NKAIN2: variants seen among roughly 807,000 people sequenced by gnomAD.
NKAIN2 encodes the protein sodium/potassium transporting ATPase interacting 2.
Under a neutral mutation model 32.6 loss-of-function variants are expected in NKAIN2, and 14 were observed. The ratio of observed to expected loss-of-function variants is 0.43; its 90% CI spans 0.28 to 0.67. NKAIN2 has a LOEUF of 0.67. Ranked by LOEUF, NKAIN2 falls within the 30% of genes least tolerant of loss-of-function variation. The probability of loss-of-function intolerance (pLI) is 0.17; values close to 1 mark genes in which losing one functional copy is unlikely to be tolerated. For synonymous variants in NKAIN2, 80 were observed against 87.2 expected (o/e 0.92, Z 0.46); for missense variants, 198 against 258.3 (o/e 0.77, Z 1.60).
chr6:124,607,615 T>C (rs997158951), intron 3 of NKAIN2, among the ~76,000 whole-genome samples: 3 of 152,146 alleles, frequency 2.0e-5, no homozygotes, highest in African/African-American at 7.2e-5. Context: ...ATTCACCTTA[T>C]CATTGCCCCT....
At chr6:124,102,500 G>A (rs912348522) in intron 1 of NKAIN2, among the ~76,000 whole-genome samples, 9 of 152,152 alleles carry the variant, frequency 5.9e-5, no homozygotes, top group African/African-American at 9.7e-5. Context: ...TGAGTAAGTC[G>A]TTCGATGCCC....
At chr6:123,992,371 G>A (rs187839556) in intron 1 of NKAIN2, among the ~76,000 whole-genome samples, 4 of 152,264 alleles carry the variant, frequency 2.6e-5, no homozygotes, top group Non-Finnish European at 1.5e-5. Context: ...GAAAATGAAG[G>A]TGGTGGTGGT....
intron 5 of NKAIN2, among the ~76,000 whole-genome samples, chr6:124,807,441 C>A (rs550094214): frequency 6.6e-6 from 1 of 150,962 alleles, no homozygotes; most frequent in African/African-American, 2.4e-5. Flanking sequence ...TTGAAACCAA[C>A]GAGAACAAAG....
At chr6:123,807,155 A>G (rs1773251855) in intron 1 of NKAIN2, among the ~76,000 whole-genome samples, 1 of 152,036 alleles carries the variant, frequency 6.6e-6, no homozygotes, top group African/African-American at 2.4e-5. Flanking sequence ...ATAAACATAT[A>G]CTCTTCTCAA....
intron 1 of NKAIN2, among the ~76,000 whole-genome samples, chr6:123,931,834 A>T (rs778552064): frequency 4.6e-5 from 7 of 152,168 alleles, no homozygotes; most frequent in Non-Finnish European, 1.0e-4. Context: ...CACTCTGCCC[A>T]ACCAATGCAC....
At chr6:124,370,256 A>G (rs1310682954) in intron 3 of NKAIN2, among the ~76,000 whole-genome samples, 1 of 151,582 alleles carries the variant, frequency 6.6e-6, no homozygotes, top group East Asian at 2.0e-4. Context: ...ATTTGCATGA[A>G]GAAATTTCGA....
At chr6:124,771,756 T>G (rs1379917366) in intron 4 of NKAIN2, among the ~76,000 whole-genome samples, 2 of 152,200 alleles carry the variant, frequency 1.3e-5, no homozygotes, top group Non-Finnish European at 2.9e-5. Context: ...TAAATTTTTT[T>G]TAAAAAGTGT....
intron 4 of NKAIN2, among the ~76,000 whole-genome samples, chr6:124,767,609 TG>T (rs928404873): frequency 4.6e-5 from 7 of 152,202 alleles, no homozygotes; most frequent in African/African-American, 1.7e-4. Context: ...CTGGACATTT[TG>T]GGACCTCATA....
intron 3 of NKAIN2, among the ~76,000 whole-genome samples, chr6:124,359,895 T>C (rs1799189321): frequency 1.3e-5 from 2 of 152,208 alleles, no homozygotes; most frequent in South Asian, 4.1e-4. Context: ...TTCAGTATGA[T>C]ATTGGCTGTG....
In NKAIN2 at chr6:124,772,172, C is replaced by T. The variant is rs373338283; in HGVS notation, c.475-19167C>T. 2.2e-4 allele frequency among the ~76,000 whole-genome samples: 33 copies of T among 152,288 alleles called. No individual in the cohort carries two copies. In the East Asian group the frequency reaches 6.2e-3, roughly 28 times the overall value. ...AATGAATTGGCAACCTTTTATCATA[C>T]ACTCTGCCAGACTGAGGCAGTGGCA... is the stretch of plus-strand genomic sequence containing the variant. On this transcript the variant is annotated intron_variant, in intron 4 of 6. Coordinates refer to ENST00000368417, the MANE Select transcript of NKAIN2 (RefSeq NM_001040214.3).
intron 1 of NKAIN2, among the ~76,000 whole-genome samples, chr6:124,096,062 G>A (rs1006732847): frequency 3.9e-5 from 6 of 152,134 alleles, no homozygotes; most frequent in Admixed American, 6.5e-5. Context: ...AACAAGGAAA[G>A]CATTGGTCTA....
intron 1 of NKAIN2, among the ~76,000 whole-genome samples, chr6:123,922,496 TGTAA>T (rs757334403): frequency 2.9e-4 from 44 of 152,330 alleles, no homozygotes; most frequent in Middle Eastern, 3.4e-3. Context: ...AGATGAATAT[TGTAA>T]GTTTCTTATA....
intron 1 of NKAIN2, among the ~76,000 whole-genome samples, chr6:124,237,337 C>T (rs928263798): frequency 6.6e-6 from 1 of 152,044 alleles, no homozygotes; most frequent in Admixed American, 6.6e-5. Flanking sequence ...CCAGTAATGG[C>T]TCTAGGGATA....
At chr6:124,409,454 TG>T (rs1387215649) in intron 3 of NKAIN2, among the ~76,000 whole-genome samples, 1 of 152,210 alleles carries the variant, frequency 6.6e-6, no homozygotes, top group African/African-American at 2.4e-5. Context: ...GAGATAATCA[TG>T]TGGTTTTTGT....
chr6:124,422,107 TTAAA>T (rs1474079639), intron 3 of NKAIN2, among the ~76,000 whole-genome samples: 1 of 152,134 alleles, frequency 6.6e-6, no homozygotes, highest in Non-Finnish European at 1.5e-5. Flanking sequence ...TTGAGAGGTA[TTAAA>T]TAGTTTATGG....
At chr6:123,981,899 A>C (rs1562291147) in intron 1 of NKAIN2, among the ~76,000 whole-genome samples, 1 of 152,118 alleles carries the variant, frequency 6.6e-6, no homozygotes, top group African/African-American at 2.4e-5. Context: ...ATATCTTACT[A>C]GGTTAGTATT....
chr6:124,266,757 A>T (rs375717804), intron 1 of NKAIN2, among the ~76,000 whole-genome samples: 1 of 152,242 alleles, frequency 6.6e-6, no homozygotes, highest in East Asian at 1.9e-4. Flanking sequence ...ACAAGAGAGT[A>T]TGGGCTTCAG....
intron 1 of NKAIN2, among the ~76,000 whole-genome samples, chr6:123,947,888 C>T (rs1410000502): frequency 6.6e-6 from 1 of 152,004 alleles, no homozygotes; most frequent in African/African-American, 2.4e-5. Context: ...ACCCATTAAC[C>T]AAATTCTCTA....
intron 4 of NKAIN2, among the ~76,000 whole-genome samples, chr6:124,673,108 T>G (rs1360054805): frequency 1.3e-5 from 2 of 152,092 alleles, no homozygotes; most frequent in African/African-American, 2.4e-5. Context: ...TCTCACTACT[T>G]TAGATAACTC....
Sources: allele counts gnomAD v4.1 joint callset (sites outside exome capture counted in the v4.1 genomes callset), GRCh38; gene constraint gnomAD v4.1.1; transcripts MANE v1.5; gene names NCBI Gene and HGNC (gene_info 2026-07-23, HGNC 2026-07-21).